FRMPD3: variants seen among roughly 807,000 people sequenced by gnomAD.
FRMPD3 encodes FERM and PDZ domain containing 3, also known as FERM and PDZ domain-containing protein 3.
Under a neutral mutation model 97.9 loss-of-function variants are expected in FRMPD3, and 42 were observed. The ratio of observed to expected loss-of-function variants is 0.43; its 90% CI spans 0.34 to 0.55. FRMPD3 has a LOEUF of 0.55. FRMPD3 is among the 20% of genes least tolerant of loss of function. FRMPD3 has a pLI of 0.03. For missense variants in FRMPD3, 1,303 were observed against 1,457.7 expected (o/e 0.89, Z 1.73); for synonymous variants, 577 against 581.1 (o/e 0.99, Z 0.10).
intron 1 of FRMPD3, among the ~76,000 whole-genome samples, chrX:107,480,883 GGAAGGAAGGAAGGAAAGAAA>G (rs1921333358): frequency 3.4e-5 from 2 of 58,013 alleles, no homozygotes; most frequent in Admixed American, 2.2e-4. Flanking sequence ...AAGGAAGGAA[GGAAGGAAGGAAGGAAAGAAA>G]GAAAGAAAGA....
intron 3 of FRMPD3, among the ~76,000 whole-genome samples, chrX:107,532,816 A>G (rs1029409094): frequency 1.8e-5 from 2 of 112,545 alleles, no homozygotes; most frequent in African/African-American, 6.5e-5. Context: ...AACTATTTCC[A>G]TTTCTTTTAG....
At chrX:107,566,218 G>C (rs1266684114) in intron 12 of FRMPD3, among the ~76,000 whole-genome samples, 1 of 113,345 alleles carries the variant, frequency 8.8e-6, no homozygotes, top group Non-Finnish European at 1.9e-5. Context: ...TAGAGGAGTT[G>C]CAACTTTCCT....
At chrX:107,595,477 G>A (rs762972054) in intron 13 of FRMPD3, among the ~76,000 whole-genome samples, 1 of 110,757 alleles carries the variant, frequency 9.0e-6, no homozygotes, top group Non-Finnish European at 1.9e-5. Context: ...CCTAACATAC[G>A]GTTTATTCAC....
intron 1 of FRMPD3, among the ~76,000 whole-genome samples, chrX:107,453,900 T>C (rs1442638610): frequency 1.8e-5 from 2 of 111,957 alleles, no homozygotes; most frequent in Non-Finnish European, 3.8e-5. Flanking sequence ...TGGGAATATG[T>C]GTATAACGTG....
At position 107,602,780 on chromosome X, in the gene FRMPD3, C is replaced by T. The variant is rs1240195572; in HGVS notation, c.4741C>T (p.Arg1581Trp). 9 of 1,208,624 alleles carry T rather than the reference C, an allele frequency of 7.4e-6. No homozygotes were observed. The highest frequency in any genetic ancestry group is 1.0e-5 in the Non-Finnish European group (9 of 894,708). Residue 1581 changes from arginine to tryptophan, a missense_variant, in exon 15 of 15, where the codon CGG (arginine) becomes TGG (tryptophan). Transcript: ENST00000683843. The part of the protein sequence containing the change: ...EGSLAKINAL[R>W]AHAYGLPDGF... ...GAGCCTGGCCAAGATCAATGCCCTGCGGGCCCATGCCTATGGCCTCCCTGA... is the reference window on the plus strand; with the variant it reads ...GAGCCTGGCCAAGATCAATGCCCTGTGGGCCCATGCCTATGGCCTCCCTGA...
At chrX:107,522,460 T>G in intron 1 of FRMPD3, 1 of 556,907 alleles carries the variant, frequency 1.8e-6, no homozygotes, top group Non-Finnish European at 3.2e-6. Context: ...ATGGAGACTC[T>G]GGATAGCCAG....
intron 13 of FRMPD3, among the ~76,000 whole-genome samples, chrX:107,585,045 T>A (rs1923582286): frequency 8.9e-6 from 1 of 112,216 alleles, no homozygotes; most frequent in Non-Finnish European, 1.9e-5. Context: ...AGTATGGCCG[T>A]TTTCACAATA....
intron 13 of FRMPD3, among the ~76,000 whole-genome samples, chrX:107,580,707 C>CCTGG (rs1224406266): frequency 9.0e-6 from 1 of 111,477 alleles, no homozygotes; most frequent in African/African-American, 3.3e-5. Flanking sequence ...AGTTCATACT[C>CCTGG]CTGGCTGATT....
At chrX:107,599,171 G>A (rs1924358400) in intron 14 of FRMPD3, among the ~76,000 whole-genome samples, 1 of 110,337 alleles carries the variant, frequency 9.1e-6, no homozygotes, top group Non-Finnish European at 1.9e-5. Flanking sequence ...TACTCAGGAG[G>A]CTGAGGCAGG....
intron 1 of FRMPD3, among the ~76,000 whole-genome samples, chrX:107,500,019 A>G (rs1415440037): frequency 8.9e-6 from 1 of 111,824 alleles, no homozygotes; most frequent in Non-Finnish European, 1.9e-5. Flanking sequence ...GGTGGAAGGG[A>G]ATGGAGGGGA....
chrX:107,491,570 G>T (rs747798073), intron 1 of FRMPD3, among the ~76,000 whole-genome samples: 6 of 112,310 alleles, frequency 5.3e-5, no homozygotes, highest in Non-Finnish European at 9.4e-5. Flanking sequence ...TAGGGGCTCT[G>T]CCTACAAAGA....
intron 3 of FRMPD3, 42 bp from the exon 4 acceptor site, chrX:107,533,463 G>C (rs1923068718): frequency 3.6e-6 from 4 of 1,125,558 alleles, no homozygotes; most frequent in Admixed American, 4.5e-5. Flanking sequence ...TGAATACCTA[G>C]TGCATGATAC....
intron 1 of FRMPD3, among the ~76,000 whole-genome samples, chrX:107,488,238 G>T (rs183870667): frequency 8.9e-6 from 1 of 112,106 alleles, no homozygotes; most frequent in Non-Finnish European, 1.9e-5. Context: ...CTGGTAAGAT[G>T]ATTGAAATTT....
intron 1 of FRMPD3, among the ~76,000 whole-genome samples, chrX:107,492,668 A>T (rs1052260258): frequency 1.6e-4 from 18 of 112,079 alleles, no homozygotes; most frequent in African/African-American, 5.8e-4. Flanking sequence ...TCTACCTCAG[A>T]GGTTCCAAGT....
intron 13 of FRMPD3, among the ~76,000 whole-genome samples, chrX:107,578,763 T>G (rs1291674916): frequency 9.0e-6 from 1 of 111,456 alleles, no homozygotes; most frequent in Admixed American, 9.5e-5. Flanking sequence ...GGTTTAAATC[T>G]TGGGCCCTGT....
At chrX:107,535,616 T>G (rs776398746) in intron 4 of FRMPD3, among the ~76,000 whole-genome samples, 1 of 101,563 alleles carries the variant, frequency 9.8e-6, no homozygotes, top group East Asian at 3.0e-4. Flanking sequence ...GAGGTTGCAG[T>G]GAGCTGAGAT....
At chrX:107,480,960 G>GAAAC (rs1192361642) in intron 1 of FRMPD3, among the ~76,000 whole-genome samples, 1 of 105,543 alleles carries the variant, frequency 9.5e-6, no homozygotes, top group African/African-American at 3.5e-5. Context: ...AAGAAAGAAA[G>GAAAC]AAACAGACAT....
At position 107,560,474 on chromosome X, in the gene FRMPD3, T is replaced by A. The variant is rs1043457684; in HGVS notation, c.899+81T>A. ...GTACACTGGTTGAGCTATGCTATGC[T>A]TTTCAGAAATGTAGGACATGGGATG... On this transcript the variant is annotated intron_variant, in intron 9 of 14. Coordinates refer to ENST00000683843, the MANE Select transcript of FRMPD3 (RefSeq NM_001388459.1). 1.4e-5 allele frequency: 16 copies of A among 1,116,000 alleles called. No individual in the cohort carries two copies. In the Admixed American group the frequency reaches 4.0e-4, roughly 28 times the overall value. 92.0% of individuals were successfully genotyped at this position (1,116,000 alleles called of 1,213,427 possible).
In FRMPD3 at chrX:107,602,755, G is replaced by T. The variant is rs1209756039; in HGVS notation, c.4716G>T (p.Gly1572=). ...ACCTCCGTGTGTCCACCTTCGAGGG[G>T]AGCCTGGCCAAGATCAATGCCCTGC... ...EIDLRVSTFE[G]SLAKINALRA... is the part of the protein sequence containing the mutation. The change falls in exon 15 of 15, where the codon GGG becomes GGT. Residue 1572 remains glycine (G), a synonymous_variant. Transcript: ENST00000683843. The T allele has an allele frequency of 1.7e-6, 2 of 1,208,775 alleles. No homozygotes were observed. Among genetic ancestry groups the T allele is most frequent in the African/African-American group, 3.5e-5 (2 of 57,488 alleles).
Sources: allele counts gnomAD v4.1 joint callset (sites outside exome capture counted in the v4.1 genomes callset), GRCh38; gene constraint gnomAD v4.1.1; transcripts MANE v1.5; gene names NCBI Gene and HGNC (gene_info 2026-07-23, HGNC 2026-07-21).